Variants in RSPH3 observed in about 807,000 individuals in gnomAD.
The protein encoded by RSPH3 is radial spoke head 3.
A neutral mutation model predicts 43.8 loss-of-function variants in RSPH3; 21 were observed. The observed-to-expected ratio is 0.48, with a 90% CI of 0.34 to 0.69. The LOEUF is 0.69. Among genes scored for constraint, RSPH3 ranks in the 30% least tolerant of loss-of-function variants. The pLI, the probability that RSPH3 is intolerant of heterozygous loss-of-function variation, is 0.01. For synonymous variants in RSPH3, 173 were observed against 179.8 expected (o/e 0.96, Z 0.30); for missense variants, 487 against 516.0 (o/e 0.94, Z 0.54).
intron 1 of RSPH3, among the ~76,000 whole-genome samples, chr6:158,998,912 C>A (rs1254022638): frequency 2.0e-5 from 3 of 151,896 alleles, no homozygotes; most frequent in Non-Finnish European, 4.4e-5. Flanking sequence ...CCACCACCAC[C>A]ACAAAAAACC....
At chr6:158,986,883 T>C (rs1216808612) in intron 2 of RSPH3, among the ~76,000 whole-genome samples, 2 of 152,222 alleles carry the variant, frequency 1.3e-5, no homozygotes, top group African/African-American at 4.8e-5. Context: ...GCCTAAGATA[T>C]GGTCTATTCT....
rs747882930 is a variant in RSPH3, at chr6:158,999,675, G to C, written c.-125C>G. ...GCAAGGATTCCGCGACGCGAGGAGA[G>C]GCGACAACAAGGGAGGCGGGCGGGA... On this transcript the variant is annotated 5_prime_UTR_variant, in exon 1 of 8. Transcript: ENST00000367069. 3.1e-6 allele frequency: 5 copies of C among 1,614,144 alleles called. No individual in the cohort carries two copies. Among genetic ancestry groups the C allele is most frequent in the Non-Finnish European group, 4.2e-6 (5 of 1,180,014 alleles).
intron 3 of RSPH3, among the ~76,000 whole-genome samples, chr6:158,985,507 T>C (rs1231979334): frequency 6.6e-6 from 1 of 152,206 alleles, no homozygotes; most frequent in African/African-American, 2.4e-5. Flanking sequence ...CATAGCTTAC[T>C]GAGGCCTTGA....
At chr6:158,978,423 T>C (rs1345655313) in intron 6 of RSPH3, 77 bp from the exon 7 acceptor site, 20 of 712,834 alleles carry the variant, frequency 2.8e-5, no homozygotes, top group Non-Finnish European at 2.4e-5. Flanking sequence ...AATAGACTCA[T>C]CAACATTGGT....
At chr6:158,995,801 G>A (rs560909428) in intron 1 of RSPH3, among the ~76,000 whole-genome samples, 16 of 151,970 alleles carry the variant, frequency 1.1e-4, no homozygotes, top group Middle Eastern at 3.4e-3. Flanking sequence ...GGGTTTCACC[G>A]TGTTAGCCAG....
chr6:158,980,657 CTT>C, intron 6 of RSPH3, 115 bp downstream of exon 6: 1 of 805,814 alleles, frequency 1.2e-6, no homozygotes, highest in South Asian at 1.9e-5. Context: ...CTAAAATTGA[CTT>C]TGTGTCAGAA....
At chr6:158,978,239 T>G (rs1007146833) in intron 7 of RSPH3, 21 bp downstream of exon 7, 1 of 1,287,914 alleles carries the variant, frequency 7.8e-7, no homozygotes, top group Non-Finnish European at 1.1e-6. Flanking sequence ...TAGAGATGAA[T>G]TTTTGGATAA....
rs182630912 is a variant in RSPH3, at chr6:158,996,793, A to G, written c.116+2642T>C. 1.9e-3 allele frequency among the ~76,000 whole-genome samples: 294 copies of G among 152,330 alleles called. 2 individuals carry two copies. Among genetic ancestry groups the G allele is most frequent in the African/African-American group, 6.6e-3 (274 of 41,574 alleles). ...ATTTAGTTACTCACCAGCAAGTACT[A>G]AAAGTACTGCTGTGGTCTGGATATG... On this transcript the variant is annotated intron_variant, in intron 1 of 7. Transcript: ENST00000367069.
chr6:158,993,795 G>C (rs199844120), intron 2 of RSPH3, 44 bp downstream of exon 2: 187 of 1,048,600 alleles, frequency 1.8e-4, no homozygotes, highest in Non-Finnish European at 2.5e-4. Flanking sequence ...CTTCCCCATA[G>C]ATAATGTGAG....
At chr6:158,980,007 C>G (rs1583703467) in intron 6 of RSPH3, among the ~76,000 whole-genome samples, 1 of 152,322 alleles carries the variant, frequency 6.6e-6, no homozygotes, top group East Asian at 1.9e-4. Flanking sequence ...AATAAATGAC[C>G]TTGATAGCTG....
Position 158,999,740 on chromosome 6 carries a change from C to A in RSPH3, c.-190G>T, listed in dbSNP as rs755765579. 2 of 1,611,652 alleles carry A rather than the reference C, an allele frequency of 1.2e-6. No homozygotes were observed. Among genetic ancestry groups the A allele is most frequent in the South Asian group, 1.1e-5 (1 of 90,860 alleles). On this transcript the variant is annotated 5_prime_UTR_variant, in exon 1 of 8. Transcript: ENST00000367069. The stretch of plus-strand genomic sequence containing the variant: ...CGCAGGAGGTGGGAGCTATACTGGG[C>A]TCGCTCCCAGCACCACAGAGACCAG...
chr6:158,981,030 C>A, intron 5 of RSPH3, 94 bp from the exon 6 acceptor site: 4 of 1,223,422 alleles, frequency 3.3e-6, no homozygotes, highest in South Asian at 1.6e-5. Context: ...CCAGACTTAT[C>A]AAAAAATGGA....
intron 1 of RSPH3, among the ~76,000 whole-genome samples, 169 bp from the exon 2 acceptor site, chr6:158,994,095 C>T (rs557009114): frequency 4.6e-5 from 7 of 152,236 alleles, no homozygotes; most frequent in Non-Finnish European, 8.8e-5. Context: ...TTATGTAATG[C>T]TTACTATATG....
chr6:158,980,828 A>G lies in RSPH3; in HGVS notation c.805T>C (p.Ser269Pro). Reference protein sequence around the residue: ...AQRYLADLLPSVFGSLRDSGY... With the variant: ...AQRYLADLLPPVFGSLRDSGY... ...CTATCCCTGAGGCTGCCAAAAACAG[A>G]CGGGAGAAGGTCAGCCAGGTAACGC... Residue 269 changes from serine to proline, a missense_variant, in exon 6 of 8, where the codon TCT becomes CCT. Ser to Pro is a moderately conservative substitution (Grantham distance 74). Coordinates refer to ENST00000367069, the MANE Select transcript of RSPH3 (RefSeq NM_031924.8). The G allele has an allele frequency of 6.2e-7, 1 of 1,614,150 alleles. No individual in the cohort carries two copies. The highest frequency in any genetic ancestry group is 8.5e-7 in the Non-Finnish European group (1 of 1,179,982).
chr6:158,963,313 C>T, the RSPH3 span, among the ~76,000 whole-genome samples: 1 of 150,132 alleles, frequency 6.7e-6, no homozygotes, highest in African/African-American at 2.4e-5. Flanking sequence ...TTCCTCCCTC[C>T]CTCCTCTCTC....
At chr6:158,980,752 T>C (rs745889551) in intron 6 of RSPH3, 22 bp downstream of exon 6, 2 of 1,589,608 alleles carry the variant, frequency 1.3e-6, no homozygotes, top group Non-Finnish European at 8.6e-7. Context: ...ACAAAATTAA[T>C]CTAACAAAAA....
intron 2 of RSPH3, among the ~76,000 whole-genome samples, chr6:158,987,729 G>C (rs1778280697): frequency 6.6e-6 from 1 of 151,734 alleles, no homozygotes; most frequent in Non-Finnish European, 1.5e-5. Flanking sequence ...CAGAAGCAAA[G>C]AAAAAAAGAA....
At chr6:158,963,453 TTCCCC>T in the RSPH3 span, among the ~76,000 whole-genome samples, 2 of 94,334 alleles carry the variant, frequency 2.1e-5, no homozygotes, top group South Asian at 4.8e-4. Context: ...CCCCCTTCCC[TTCCCC>T]TCCCCTCCCC....
rs535516098 is a variant in RSPH3, at chr6:158,973,833, CT to C, written c.*3704del. Reference sequence around the variant, plus strand: ...TAAGAATGACAATTTCTTTTTCTTTCTTTTTTTTTTTTTTGAGACGGAGTCT... The same window carrying C: ...TAAGAATGACAATTTCTTTTTCTTTCTTTTTTTTTTTTTGAGACGGAGTCT... On this transcript the variant is annotated 3_prime_UTR_variant, in exon 8 of 8. Coordinates refer to ENST00000367069, the MANE Select transcript of RSPH3 (RefSeq NM_031924.8). 0.022 allele frequency: 3,224 copies of C among 144,108 alleles called. 41 individuals are homozygous for C. Among genetic ancestry groups the C allele is most frequent in the Non-Finnish European group, 0.029 (1,890 of 65,300 alleles). 8.9% of individuals were successfully genotyped at this position (144,108 alleles called of 1,614,324 possible).
Sources: allele counts gnomAD v4.1 joint callset (sites outside exome capture counted in the v4.1 genomes callset), GRCh38; gene constraint gnomAD v4.1.1; transcripts MANE v1.5; gene names NCBI Gene and HGNC (gene_info 2026-07-23, HGNC 2026-07-21).